COL4A3: variants seen among roughly 807,000 people sequenced by gnomAD.
COL4A3 encodes the protein collagen type IV alpha 3 chain.
COL4A3 carries 135 observed loss-of-function variants against 217.4 expected under a neutral mutation model. That is an observed-to-expected ratio of 0.62 (90% CI 0.54 to 0.72). The LOEUF (loss-of-function observed/expected upper bound fraction) is 0.72. Ranked by LOEUF, COL4A3 falls within the 30% of genes least tolerant of loss-of-function variation. The pLI is 0.00. For missense variants in COL4A3, 1,868 were observed against 2,119.9 expected (o/e 0.88, Z 2.33); for synonymous variants, 690 against 736.3 (o/e 0.94, Z 1.02).
rs77654442 is a variant in COL4A3, at chr2:227,296,967, C to A, written c.3566-707C>A. Reference sequence around the variant, plus strand: ...AGGGAGACATTATTTGCAATTCATACAATATTTTTCATTCATGAATGTCAA... The same window carrying A: ...AGGGAGACATTATTTGCAATTCATAAAATATTTTTCATTCATGAATGTCAA... On this transcript the variant is annotated intron_variant, in intron 41 of 51. Coordinates refer to ENST00000396578, the MANE Select transcript of COL4A3 (RefSeq NM_000091.5). Among the ~76,000 whole-genome samples, 400 of 152,292 alleles carry A rather than the reference C, an allele frequency of 2.6e-3. 2 individuals carry two copies. Among genetic ancestry groups the A allele is most frequent in the African/African-American group, 9.2e-3 (382 of 41,560 alleles).
At chr2:227,232,281 C>A (rs1189845213) in intron 1 of COL4A3, among the ~76,000 whole-genome samples, 1 of 152,196 alleles carries the variant, frequency 6.6e-6, no homozygotes, top group East Asian at 1.9e-4. Flanking sequence ...TTGCATAAAT[C>A]TTTCACCTTT....
chr2:227,289,155 G>A lies in COL4A3; in HGVS notation c.2887G>A (p.Ala963Thr), dbSNP rs200801946. 267 of 1,612,452 alleles carry A rather than the reference G, an allele frequency of 1.7e-4. 1 individual carries two copies. The highest frequency in any genetic ancestry group is 1.9e-4 in the Non-Finnish European group (221 of 1,179,218). The change falls in exon 35 of 52, where the codon GCA becomes ACA. Residue 963 changes from alanine (A) to threonine (T), a missense_variant. By Grantham distance (58) the Ala-to-Thr change is moderately conservative. Coordinates refer to ENST00000396578, the MANE Select transcript of COL4A3 (RefSeq NM_000091.5). ...TACCTGGTTTCTAACTTCAGGATTCGCAGGAAATCCAGGTGAGAAAGGAAA... is the reference window on the plus strand; with the variant it reads ...TACCTGGTTTCTAACTTCAGGATTCACAGGAAATCCAGGTGAGAAAGGAAA... ...DKGEPGLKGF[A>T]GNPGEKGNRG...
chr2:227,204,963 T>A (rs1037295065), intron 1 of COL4A3, among the ~76,000 whole-genome samples: 1 of 152,232 alleles, frequency 6.6e-6, no homozygotes, highest in East Asian at 1.9e-4. Context: ...ACAGCGGTGA[T>A]GGAAAACAGG....
chr2:227,296,638 C>A, intron 41 of COL4A3: 2 of 376,460 alleles, frequency 5.3e-6, no homozygotes, highest in Non-Finnish European at 7.3e-6. Flanking sequence ...CATCTTGGTA[C>A]TTCAGGTCAT....
intron 34 of COL4A3, among the ~76,000 whole-genome samples, chr2:227,288,716 A>T (rs922758285): frequency 2.0e-5 from 3 of 152,224 alleles, no homozygotes; most frequent in Admixed American, 2.0e-4. Context: ...GTACATATTA[A>T]GATCATTGCT....
At position 227,253,260 on chromosome 2, in the gene COL4A3, T is replaced by G. The variant is rs1390169326; in HGVS notation, c.646-36T>G. The G allele has an allele frequency of 6.3e-7, 1 of 1,581,504 alleles. No homozygotes were observed. The highest frequency in any genetic ancestry group is 2.2e-5 in the East Asian group (1 of 44,708). ...GTTTAGACTATTTATTCATATTTATTTTTAGAAAATAATTTGGTTTTGTGT... is the reference window on the plus strand; with the variant it reads ...GTTTAGACTATTTATTCATATTTATGTTTAGAAAATAATTTGGTTTTGTGT... On this transcript the variant is annotated intron_variant, in intron 11 of 51. Transcript: ENST00000396578. This position sits in a 1 kb window ranked among gnomAD's most constrained non-coding sequence, Gnocchi z 4.4.
chr2:227,261,261 A>C, intron 20 of COL4A3, 144 bp downstream of exon 20: 12 of 742,416 alleles, frequency 1.6e-5, no homozygotes, highest in Non-Finnish European at 2.4e-5. Flanking sequence ...TCAATGGCTC[A>C]CGCCTGTAAT....
intron 1 of COL4A3, among the ~76,000 whole-genome samples, chr2:227,219,112 G>A (rs1462942674): frequency 1.3e-5 from 2 of 151,684 alleles, no homozygotes; most frequent in African/African-American, 4.8e-5. Context: ...CTCCTGCCTC[G>A]GCCTCCCAAG....
At chr2:227,251,118 T>A (rs1023575733) in intron 9 of COL4A3, 22 bp from the exon 10 acceptor site, 2 of 1,583,610 alleles carry the variant, frequency 1.3e-6, no homozygotes, top group African/African-American at 2.7e-5. Flanking sequence ...AAACTTACTC[T>A]TATTCTTCTC....
At chr2:227,236,975 G>C (rs892954887) in intron 1 of COL4A3, among the ~76,000 whole-genome samples, 1 of 152,134 alleles carries the variant, frequency 6.6e-6, no homozygotes, top group Non-Finnish European at 1.5e-5. Context: ...CACATTTTAA[G>C]TCTATTATTT....
intron 20 of COL4A3, 31 bp downstream of exon 20, chr2:227,261,148 A>G: frequency 6.3e-7 from 1 of 1,582,512 alleles, no homozygotes; most frequent in East Asian, 2.2e-5. Flanking sequence ...GTACAAATAG[A>G]AATGCTATTA....
chr2:227,249,230 A>ATATATATATATATATT, intron 9 of COL4A3, among the ~76,000 whole-genome samples: 3 of 14,686 alleles, frequency 2.0e-4, no homozygotes, highest in Non-Finnish European at 3.7e-4. Flanking sequence ...ATATATATAT[A>ATATATATATATATATT]TTTTTTTTTT....
chr2:227,227,185 T>C (rs1018979876), intron 1 of COL4A3, among the ~76,000 whole-genome samples: 1 of 152,226 alleles, frequency 6.6e-6, no homozygotes, highest in African/African-American at 2.4e-5. Context: ...CATGAGCTAC[T>C]ATGTTATGTT....
At chr2:227,186,216 G>T (rs1442669770) in intron 1 of COL4A3, among the ~76,000 whole-genome samples, 1 of 152,142 alleles carries the variant, frequency 6.6e-6, no homozygotes, top group African/African-American at 2.4e-5. Flanking sequence ...TCACGCCCTC[G>T]ATCACAGCAC....
intron 1 of COL4A3, among the ~76,000 whole-genome samples, chr2:227,167,590 A>G (rs537780891): frequency 6.6e-6 from 1 of 152,378 alleles, no homozygotes; most frequent in East Asian, 1.9e-4. Flanking sequence ...CATTCCAGAC[A>G]GGGCAGCAAT....
Position 227,164,701 on chromosome 2 carries a change from G to A in COL4A3, c.-26G>A. On this transcript the variant is annotated 5_prime_UTR_variant, in exon 1 of 52. Coordinates refer to ENST00000396578, the MANE Select transcript of COL4A3 (RefSeq NM_000091.5). This position sits in a 1 kb window ranked among gnomAD's most constrained non-coding sequence, Gnocchi z 4.8. ...TGAGAGCCTGAGGGTCCCCGGACTC[G>A]CCCAGGCTCTGAGCGCGCGCCCACC... 1.3e-6 allele frequency: 2 copies of A among 1,529,732 alleles called. No individual in the cohort carries two copies. 94.8% of individuals were successfully genotyped at this position (1,529,732 alleles called of 1,614,324 possible).
intron 26 of COL4A3, among the ~76,000 whole-genome samples, chr2:227,275,080 G>A (rs112956288): frequency 0.032 from 4,808 of 152,290 alleles, 138 homozygotes; most frequent in Admixed American, 0.045. Context: ...TAGTTGGGTA[G>A]ATTTCAATCA....
chr2:227,244,398 A>G (rs371111576), intron 4 of COL4A3, 34 bp downstream of exon 4: 9 of 1,597,606 alleles, frequency 5.6e-6, no homozygotes, highest in Admixed American at 1.7e-5. Context: ...CTGATCGTTA[A>G]AAGATCAGCT....
intron 1 of COL4A3, among the ~76,000 whole-genome samples, chr2:227,185,464 CGTT>C (rs1577049792): frequency 6.6e-6 from 1 of 152,286 alleles, no homozygotes; most frequent in South Asian, 2.1e-4. Flanking sequence ...CAATTGTACA[CGTT>C]GTTCTTGCTC....
Sources: gnomAD v4.1 joint callset for allele counts (sites outside exome capture counted in the v4.1 genomes callset) on GRCh38, gnomAD v4.1.1 for gene constraint, Gnocchi (gnomAD v3.1) non-coding constraint, MANE v1.5 for transcripts, NCBI Gene and HGNC (gene_info 2026-07-23, HGNC 2026-07-21) for gene names.